Variants in PARD3B observed in about 807,000 individuals in gnomAD.
PARD3B encodes the protein par-3 family cell polarity regulator beta.
PARD3B carries 103 observed loss-of-function variants against 130.2 expected under a neutral mutation model. That is an observed-to-expected ratio of 0.79 (90% CI 0.67 to 0.93). PARD3B has a LOEUF of 0.93. Among genes scored for constraint, PARD3B ranks in the 40% least tolerant of loss-of-function variants. PARD3B has a pLI of 0.00. For synonymous variants in PARD3B, 583 were observed against 553.2 expected, an observed-to-expected ratio of 1.05 and a Z score of -0.76; for missense variants, 1,609 against 1,499.2, an observed-to-expected ratio of 1.07 and a Z score of -1.21.
rs569775789 is a variant in PARD3B at position 205,297,280 on chromosome 2, A to T, written c.2186-3250A>T. On this transcript the variant is annotated intron_variant, in intron 16 of 22. Transcript: ENST00000406610. ...GGTTTTAGTGAAAGCCTAGAAAAAAAAAATGTGATTTTTGTAAATGGTGAG... is the reference window on the plus strand; with the variant it reads ...GGTTTTAGTGAAAGCCTAGAAAAAATAAATGTGATTTTTGTAAATGGTGAG... Among the ~76,000 whole-genome samples the T allele has an allele frequency of 5.9e-4, 90 of 152,314 alleles. 1 individual carries two copies. Among genetic ancestry groups the T allele is most frequent in the African/African-American group, 2.0e-3 (84 of 41,586 alleles).
chr2:205,565,850 T>C (rs1442431773), intron 22 of PARD3B, among the ~76,000 whole-genome samples: 2 of 146,208 alleles, frequency 1.4e-5, no homozygotes, highest in Non-Finnish European at 3.0e-5. Flanking sequence ...TATACTCTAG[T>C]GGAGAAGATA....
intron 3 of PARD3B, among the ~76,000 whole-genome samples, chr2:204,995,112 A>T (rs927197325): frequency 3.6e-4 from 55 of 152,010 alleles, no homozygotes; most frequent in African/African-American, 1.2e-3. Context: ...TGTGAATTTG[A>T]TCCTGTCATT....
At chr2:205,549,571 A>T (rs2052526861) in intron 21 of PARD3B, among the ~76,000 whole-genome samples, 1 of 152,190 alleles carries the variant, frequency 6.6e-6, no homozygotes, top group African/African-American at 2.4e-5. Context: ...CAACTATATG[A>T]CACTCTGGAA....
chr2:204,756,475 G>C (rs2040679673), intron 2 of PARD3B, among the ~76,000 whole-genome samples: 1 of 151,924 alleles, frequency 6.6e-6, no homozygotes. Flanking sequence ...AAATCGAATA[G>C]CTTATGTACA....
At chr2:205,497,816 A>G (rs932908669) in intron 20 of PARD3B, among the ~76,000 whole-genome samples, 1 of 152,132 alleles carries the variant, frequency 6.6e-6, no homozygotes, top group East Asian at 1.9e-4. Flanking sequence ...AGATGTTATC[A>G]ATTGAGTTAA....
chr2:205,302,189 C>T (rs1179356427), intron 18 of PARD3B, among the ~76,000 whole-genome samples: 1 of 143,652 alleles, frequency 7.0e-6, no homozygotes, highest in Non-Finnish European at 1.5e-5. Flanking sequence ...CTGCCTTAGC[C>T]TCCCTAGTAG....
chr2:205,615,840 C>T lies in PARD3B; in HGVS notation c.*27C>T, dbSNP rs2055416537. 1 of 1,566,154 alleles carries T rather than the reference C, an allele frequency of 6.4e-7. No individual in the cohort carries two copies. Among genetic ancestry groups the T allele is most frequent in the East Asian group, 2.2e-5 (1 of 44,518 alleles). On this transcript the variant is annotated 3_prime_UTR_variant, in exon 23 of 23. Coordinates refer to ENST00000406610, the MANE Select transcript of PARD3B (RefSeq NM_001302769.2). ...TGAGTGCCACCGAGGCCAGCCCGGT[C>T]CAGAAAGGAAGGTGTCTACTCTACC... is the stretch of plus-strand genomic sequence containing the variant.
At chr2:205,549,899 C>T (rs924361295) in intron 21 of PARD3B, among the ~76,000 whole-genome samples, 1 of 152,130 alleles carries the variant, frequency 6.6e-6, no homozygotes, top group Non-Finnish European at 1.5e-5. Flanking sequence ...ATATGGAAAT[C>T]TGTATGCCGC....
At chr2:204,584,148 G>A (rs2032715625) in intron 1 of PARD3B, among the ~76,000 whole-genome samples, 1 of 152,220 alleles carries the variant, frequency 6.6e-6, no homozygotes, top group South Asian at 2.1e-4. Flanking sequence ...GTGGGCAGAG[G>A]AGAGAAATGG....
At chr2:204,601,496 A>G (rs2033511178) in intron 1 of PARD3B, among the ~76,000 whole-genome samples, 1 of 151,994 alleles carries the variant, frequency 6.6e-6, no homozygotes, top group Admixed American at 6.6e-5. Context: ...AAGAATGATT[A>G]TGGTATGTGA....
intron 21 of PARD3B, among the ~76,000 whole-genome samples, chr2:205,527,951 G>A (rs1003638552): frequency 3.9e-5 from 6 of 152,162 alleles, no homozygotes; most frequent in Admixed American, 3.3e-4. Context: ...ATCAGAGATG[G>A]ATAGATGGAT....
At chr2:205,000,256 C>T (rs1559344113) in intron 3 of PARD3B, among the ~76,000 whole-genome samples, 2 of 152,142 alleles carry the variant, frequency 1.3e-5, no homozygotes, top group African/African-American at 4.8e-5. Context: ...TGATTTGCTA[C>T]ATTAGGCTTG....
In PARD3B at chr2:205,555,576, T is replaced by C. The variant is rs892907399; in HGVS notation, c.3260+2173T>C. On this transcript the variant is annotated intron_variant, in intron 22 of 22. Coordinates refer to ENST00000406610, the MANE Select transcript of PARD3B (RefSeq NM_001302769.2). ...TCAAAGATAATACATTTATGCTGTT[T>C]ATGGCTCTTTATGAATGTATGAATT... Among the ~76,000 whole-genome samples, 14 of 152,320 alleles carry C rather than the reference T, an allele frequency of 9.2e-5. No homozygotes were observed. In the East Asian group the frequency reaches 2.7e-3, roughly 29 times the overall value.
At chr2:205,549,208 A>C (rs976727616) in intron 21 of PARD3B, among the ~76,000 whole-genome samples, 22 of 152,198 alleles carry the variant, frequency 1.4e-4, no homozygotes, top group Non-Finnish European at 1.5e-5. Context: ...AAATGGTATC[A>C]CTACTTTAGA....
intron 1 of PARD3B, among the ~76,000 whole-genome samples, chr2:204,641,641 C>G (rs951874679): frequency 1.9e-4 from 29 of 152,118 alleles, no homozygotes; most frequent in African/African-American, 7.0e-4. Flanking sequence ...TGTGTTTGGA[C>G]ACACCATGGT....
At chr2:205,050,829 G>C (rs889472267) in intron 4 of PARD3B, among the ~76,000 whole-genome samples, 5 of 151,988 alleles carry the variant, frequency 3.3e-5, no homozygotes, top group Admixed American at 3.3e-4. Context: ...GCATGCATGA[G>C]ATAGTTTGAG....
Position 205,530,107 on chromosome 2 carries a change from A to G in PARD3B, c.3181-23217A>G, listed in dbSNP as rs1484683111. On this transcript the variant is annotated intron_variant, in intron 21 of 22. Transcript: ENST00000406610. The surrounding 1 kb of genome is among the most constrained non-coding windows in gnomAD (Gnocchi z 4.7). ...TATGCACATTCCCACCACAAGATGCAAAAGAGTGGCACACAGGAGCATGTG... is the reference window on the plus strand; with the variant it reads ...TATGCACATTCCCACCACAAGATGCGAAAGAGTGGCACACAGGAGCATGTG... Among the ~76,000 whole-genome samples, 1 of 152,262 alleles carries G rather than the reference A, an allele frequency of 6.6e-6. No individual in the cohort carries two copies. Among genetic ancestry groups the G allele is most frequent in the Non-Finnish European group, 1.5e-5 (1 of 68,046 alleles).
At chr2:204,781,335 A>G (rs1413399380) in intron 2 of PARD3B, among the ~76,000 whole-genome samples, 2 of 152,158 alleles carry the variant, frequency 1.3e-5, no homozygotes, top group Non-Finnish European at 2.9e-5. Context: ...TATTGGCACA[A>G]AAAAACATTA....
At chr2:205,108,781 G>A (rs1461400029) in intron 5 of PARD3B, among the ~76,000 whole-genome samples, 1 of 152,050 alleles carries the variant, frequency 6.6e-6, no homozygotes, top group Admixed American at 6.6e-5. Flanking sequence ...CTGCTCTGGG[G>A]TGCAATAAAT....
Sources: gnomAD v4.1 joint callset for allele counts (sites outside exome capture counted in the v4.1 genomes callset) on GRCh38, gnomAD v4.1.1 for gene constraint, Gnocchi (gnomAD v3.1) non-coding constraint, MANE v1.5 for transcripts, NCBI Gene and HGNC (gene_info 2026-07-23, HGNC 2026-07-21) for gene names.